Variants in S100Z observed in about 807,000 individuals in gnomAD.
S100Z encodes the protein protein S100-Z.
Under a neutral mutation model 8.5 loss-of-function variants are expected in S100Z, and 11 were observed. The observed-to-expected ratio is 1.30, with a 90% CI of 0.82 to 2.15. The LOEUF (loss-of-function observed/expected upper bound fraction) is 2.15, where lower values mean the gene tolerates loss of function less well. Ranked by LOEUF, S100Z falls within the 30% of genes most tolerant of loss-of-function variation. S100Z has a pLI of 0.00. For synonymous variants in S100Z, 34 were observed against 43.8 expected, an observed-to-expected ratio of 0.78 and a Z score of 0.89; for missense variants, 126 against 117.9, an observed-to-expected ratio of 1.07 and a Z score of -0.32.
At chr5:76,943,647 G>T in the S100Z span, among the ~76,000 whole-genome samples, 2 of 152,060 alleles carry the variant, frequency 1.3e-5, no homozygotes, top group African/African-American at 4.8e-5. Context: ...CATTTTTCCT[G>T]CACATTGCCC....
chr5:76,944,320 C>T, the S100Z span, among the ~76,000 whole-genome samples: 4 of 152,310 alleles, frequency 2.6e-5, no homozygotes, highest in East Asian at 7.7e-4. Context: ...TTCTGTTAGG[C>T]ACCTCCCAGG....
At position 76,914,748 on chromosome 5, in the gene S100Z, C is replaced by T. The variant is rs372385770; in HGVS notation, c.*3-5969C>T. Among the ~76,000 whole-genome samples the T allele has an allele frequency of 5.7e-4, 86 of 152,152 alleles. 1 individual carries two copies. The highest frequency in any genetic ancestry group is 1.3e-3 in the African/African-American group (55 of 41,478). On this transcript the variant is annotated intron_variant, in intron 4 of 4. Transcript: ENST00000317593. Reference sequence around the variant, plus strand: ...TCTGCAGCTTCACTCCTGAAGCCAGCGAGACCACAAACCCACTGGAAGGAA... The same window carrying T: ...TCTGCAGCTTCACTCCTGAAGCCAGTGAGACCACAAACCCACTGGAAGGAA...
At chr5:76,855,246 G>C (rs1225145363) in intron 1 of S100Z, among the ~76,000 whole-genome samples, 1 of 152,214 alleles carries the variant, frequency 6.6e-6, no homozygotes, top group African/African-American at 2.4e-5. Context: ...TTGCCTAGTA[G>C]AGCTATGAGA....
chr5:76,919,072 T>A (rs1744949609), intron 4 of S100Z, among the ~76,000 whole-genome samples: 1 of 152,248 alleles, frequency 6.6e-6, no homozygotes, highest in East Asian at 1.9e-4. Flanking sequence ...ATTCCACAGT[T>A]CATTTATCTA....
intron 4 of S100Z, among the ~76,000 whole-genome samples, chr5:76,906,004 C>G (rs556060292): frequency 6.6e-6 from 1 of 151,920 alleles, no homozygotes; most frequent in South Asian, 2.1e-4. Context: ...AATTTTTTGT[C>G]TTTTTAATAG....
chr5:76,913,408 C>T (rs949089815), intron 4 of S100Z, among the ~76,000 whole-genome samples: 6 of 152,206 alleles, frequency 3.9e-5, no homozygotes, highest in African/African-American at 7.2e-5. Context: ...GGAAAATTGC[C>T]TAATGATATG....
downstream of S100Z, among the ~76,000 whole-genome samples, chr5:76,921,862 G>A (rs190180275): frequency 5.1e-4 from 77 of 152,108 alleles, no homozygotes; most frequent in African/African-American, 1.8e-3. Context: ...GGCGGTGCAC[G>A]CCTGTATTCC....
intron 4 of S100Z, among the ~76,000 whole-genome samples, chr5:76,913,432 G>T (rs1744735494): frequency 6.6e-6 from 1 of 152,188 alleles, no homozygotes; most frequent in Admixed American, 6.5e-5. Flanking sequence ...GCTCAAACCT[G>T]CGAGCTGTTT....
chr5:76,946,026 G>A, the S100Z span, among the ~76,000 whole-genome samples: 1 of 152,150 alleles, frequency 6.6e-6, no homozygotes, highest in Non-Finnish European at 1.5e-5. Flanking sequence ...CCATCTGCAG[G>A]CATCTCGCTT....
intron 4 of S100Z, among the ~76,000 whole-genome samples, chr5:76,880,120 G>A (rs1743341945): frequency 6.6e-6 from 1 of 152,154 alleles, no homozygotes; most frequent in Non-Finnish European, 1.5e-5. Flanking sequence ...TCAAGGATGG[G>A]GAGAATTGCA....
At chr5:76,885,723 C>T (rs575262281) in intron 4 of S100Z, among the ~76,000 whole-genome samples, 39 of 119,076 alleles carry the variant, frequency 3.3e-4, no homozygotes, top group African/African-American at 6.3e-4. Context: ...AAAGTGGGAA[C>T]GGGGTGGGAG....
intron 4 of S100Z, 179 bp downstream of exon 4, chr5:76,878,013 T>G (rs1743261158): frequency 2.3e-6 from 1 of 431,788 alleles, no homozygotes; most frequent in Non-Finnish European, 4.1e-6. Context: ...TGACTTTATG[T>G]AGATATTCTA....
the S100Z span, among the ~76,000 whole-genome samples, chr5:76,946,157 T>G: frequency 6.6e-6 from 1 of 152,226 alleles, no homozygotes. Context: ...CTGGATTTTG[T>G]TTCTGATTCA....
At chr5:76,889,593 G>T (rs760392275) in intron 4 of S100Z, among the ~76,000 whole-genome samples, 1 of 152,188 alleles carries the variant, frequency 6.6e-6, no homozygotes, top group African/African-American at 2.4e-5. Flanking sequence ...GAAATAAATG[G>T]AAAAACAATG....
rs537205235 is a variant in S100Z at position 76,870,252 on chromosome 5, G to C, written c.-89G>C. 3 of 152,254 alleles carry C rather than the reference G, an allele frequency of 2.0e-5. No homozygotes were observed. Among genetic ancestry groups the C allele is most frequent in the Admixed American group, 2.0e-4 (3 of 15,278 alleles). 9.4% of individuals were successfully genotyped at this position (152,254 alleles called of 1,614,324 possible). A position where few individuals can be genotyped will look rare whatever the true frequency, so the allele number is the denominator to read the frequency against. On this transcript the variant is annotated 5_prime_UTR_variant, in exon 2 of 5. Coordinates refer to ENST00000317593, the MANE Select transcript of S100Z (RefSeq NM_130772.4). Reference sequence around the variant, plus strand: ...GACAAAGGATACAGCATACAGTCCCGTGTCTCGGCTGAGTCATCGCATTCC... The same window carrying C: ...GACAAAGGATACAGCATACAGTCCCCTGTCTCGGCTGAGTCATCGCATTCC...
chr5:76,868,067 C>T (rs1211788040), intron 1 of S100Z, among the ~76,000 whole-genome samples: 1 of 152,236 alleles, frequency 6.6e-6, no homozygotes, highest in Non-Finnish European at 1.5e-5. Flanking sequence ...GTGTCTCCCC[C>T]TCCTGGGATT....
At chr5:76,948,256 G>A in the S100Z span, among the ~76,000 whole-genome samples, 1 of 152,066 alleles carries the variant, frequency 6.6e-6, no homozygotes, top group South Asian at 2.1e-4. Flanking sequence ...AATCTGGGAG[G>A]CAGAGGTTGC....
the S100Z span, among the ~76,000 whole-genome samples, chr5:76,941,414 A>C: frequency 9.9e-5 from 15 of 152,062 alleles, no homozygotes; most frequent in Admixed American, 7.9e-4. Flanking sequence ...GGTTTTATAA[A>C]GGGTGGTTCC....
downstream of S100Z, among the ~76,000 whole-genome samples, chr5:76,924,248 C>G (rs13175201): frequency 6.6e-6 from 1 of 152,196 alleles, no homozygotes; most frequent in Non-Finnish European, 1.5e-5. Context: ...TTTCCCTGCT[C>G]TTTCCTCCCC....
Sources: gnomAD v4.1 joint callset for allele counts (sites outside exome capture counted in the v4.1 genomes callset) on GRCh38, gnomAD v4.1.1 for gene constraint, MANE v1.5 for transcripts, NCBI Gene and HGNC (gene_info 2026-07-23, HGNC 2026-07-21) for gene names.